The following C19orf18 variants were observed in gnomAD, a reference collection of about 807,000 sequenced individuals.
The protein encoded by C19orf18 is uncharacterized protein C19orf18.
C19orf18 carries 21 observed loss-of-function variants against 23.3 expected under a neutral mutation model. That is an observed-to-expected ratio of 0.90 (90% CI 0.64 to 1.30). C19orf18 has a LOEUF of 1.30. Among genes scored for constraint, C19orf18 ranks in the 50% most tolerant of loss-of-function variants. The pLI, the probability that C19orf18 is intolerant of heterozygous loss-of-function variation, is 0.00. For synonymous variants in C19orf18, 96 were observed against 95.2 expected, an observed-to-expected ratio of 1.01 and a Z score of -0.05; for missense variants, 249 against 259.6, an observed-to-expected ratio of 0.96 and a Z score of 0.28.
chr19:57,962,310 T>G (rs1176672865), intron 4 of C19orf18, among the ~76,000 whole-genome samples: 1 of 152,120 alleles, frequency 6.6e-6, no homozygotes, highest in African/African-American at 2.4e-5. Context: ...ACACTGGAAT[T>G]ACAGGTGTGA....
intron 3 of C19orf18, among the ~76,000 whole-genome samples, chr19:57,970,590 T>G (rs1244655206): frequency 6.6e-6 from 1 of 152,138 alleles, no homozygotes; most frequent in Non-Finnish European, 1.5e-5. Context: ...CATATAATTT[T>G]TTTTTTTTTG....
chr19:57,970,583 A>G (rs577305891), intron 3 of C19orf18, among the ~76,000 whole-genome samples: 2 of 151,978 alleles, frequency 1.3e-5, no homozygotes, highest in East Asian at 3.9e-4. Flanking sequence ...ATCTTTCCAT[A>G]TAATTTTTTT....
intron 3 of C19orf18, among the ~76,000 whole-genome samples, chr19:57,968,279 C>T (rs1364529492): frequency 1.3e-5 from 2 of 152,214 alleles, no homozygotes; most frequent in African/African-American, 4.8e-5. Context: ...GGCCCCAACT[C>T]CTAATATCCT....
chr19:57,966,683 T>C (rs754332624), intron 3 of C19orf18, 51 bp from the exon 4 acceptor site: 2 of 1,259,484 alleles, frequency 1.6e-6, no homozygotes, highest in East Asian at 2.3e-5. Flanking sequence ...ATTTTAGCTA[T>C]GTCTTTCAGT....
At chr19:57,967,535 G>A (rs928750434) in intron 3 of C19orf18, among the ~76,000 whole-genome samples, 3 of 151,678 alleles carry the variant, frequency 2.0e-5, no homozygotes, top group Non-Finnish European at 2.9e-5. Flanking sequence ...GGCAGATCAC[G>A]TGAGCTCAGG....
intron 3 of C19orf18, among the ~76,000 whole-genome samples, chr19:57,971,481 T>C (rs868806249): frequency 9.9e-5 from 15 of 152,190 alleles, no homozygotes; most frequent in South Asian, 2.1e-4. Context: ...TAAAGTTGTT[T>C]TTTTTAAAAA....
At chr19:57,972,321 G>A in intron 3 of C19orf18, 142 bp downstream of exon 3, 1 of 976,428 alleles carries the variant, frequency 1.0e-6, no homozygotes, top group South Asian at 1.8e-5. Flanking sequence ...TCCCCCTCCA[G>A]AGGGGGCACC....
At chr19:57,964,645 G>A (rs1348383517) in intron 4 of C19orf18, among the ~76,000 whole-genome samples, 1 of 152,146 alleles carries the variant, frequency 6.6e-6, no homozygotes, top group Non-Finnish European at 1.5e-5. Context: ...CGCAGGTTAC[G>A]CTCTCATTAG....
intron 3 of C19orf18, among the ~76,000 whole-genome samples, chr19:57,969,145 T>C (rs1234823088): frequency 2.0e-5 from 3 of 152,170 alleles, no homozygotes; most frequent in African/African-American, 7.2e-5. Flanking sequence ...ATGTCTCCTG[T>C]TTCCAGGAAT....
At chr19:57,964,488 C>A (rs191237714) in intron 4 of C19orf18, among the ~76,000 whole-genome samples, 292 of 152,240 alleles carry the variant, frequency 1.9e-3, no homozygotes, top group African/African-American at 6.5e-3. Context: ...CACCATGTTG[C>A]CCACGCTGGT....
intron 2 of C19orf18, among the ~76,000 whole-genome samples, chr19:57,973,051 G>A (rs985751751): frequency 3.1e-4 from 46 of 148,790 alleles, no homozygotes; most frequent in African/African-American, 1.1e-3. Flanking sequence ...AGGAGGCTGA[G>A]GCAGGAGAAT....
Position 57,974,128 on chromosome 19 carries a change from C to T in C19orf18, c.197G>A (p.Gly66Glu). Residue 66 changes from glycine (G) to glutamate (E), a missense_variant, in exon 2 of 6, where the codon GGG becomes GAG. Gly to Glu is a moderately conservative substitution (Grantham distance 98). Coordinates refer to ENST00000314391, the MANE Select transcript of C19orf18 (RefSeq NM_152474.5). Reference protein sequence around the residue: ...KVFFHKTQLPGIQGAASRSTA... With the variant: ...KVFFHKTQLPEIQGAASRSTA... ...GGATCTCGAGGCAGCCCCTTGAATC[C>T]CAGGCAACTGGGTTTTATGAAAGAA... is the stretch of plus-strand genomic sequence containing the variant. 6.2e-7 allele frequency: 1 copy of T among 1,614,074 alleles called. No homozygotes were observed. Among genetic ancestry groups the T allele is most frequent in the South Asian group, 1.1e-5 (1 of 91,056 alleles).
intron 2 of C19orf18, 108 bp downstream of exon 2, chr19:57,973,990 AT>A: frequency 1.9e-6 from 2 of 1,068,146 alleles, no homozygotes; most frequent in Non-Finnish European, 2.8e-6. Context: ...ATTATACTCT[AT>A]TTTATGGACC....
Position 57,958,446 on chromosome 19 carries a change from C to T in C19orf18, c.*156G>A. On this transcript the variant is annotated 3_prime_UTR_variant, in exon 6 of 6. Transcript: ENST00000314391. ...AGCCAATAAGCAAGAGTTGCTATAT[C>T]ATGTGGCTTTATTTTCTGGGATACA... 1 of 556,812 alleles carries T rather than the reference C, an allele frequency of 1.8e-6. No individual in the cohort carries two copies. The highest frequency in any genetic ancestry group is 3.1e-6 in the Non-Finnish European group (1 of 317,668). The allele number at this position is 556,812 out of a possible 1,614,324, so 34.5% of individuals were successfully genotyped here. A position where few individuals can be genotyped will look rare whatever the true frequency, so the allele number is the denominator to read the frequency against.
chr19:57,961,051 T>C (rs945476039), intron 5 of C19orf18, among the ~76,000 whole-genome samples: 10 of 151,712 alleles, frequency 6.6e-5, no homozygotes, highest in African/African-American at 1.7e-4. Context: ...CTGGCTAAAA[T>C]GGTGAAACCC....
At chr19:57,964,757 A>G (rs564502784) in intron 4 of C19orf18, among the ~76,000 whole-genome samples, 1 of 152,292 alleles carries the variant, frequency 6.6e-6, no homozygotes, top group African/African-American at 2.4e-5. Flanking sequence ...ACATGGCAAT[A>G]TATCTTGTTT....
At chr19:57,969,569 A>AG (rs2072930592) in intron 3 of C19orf18, among the ~76,000 whole-genome samples, 2 of 73,734 alleles carry the variant, frequency 2.7e-5, no homozygotes, top group African/African-American at 1.1e-4. Context: ...AAAAACAGAA[A>AG]AAAAAAAAAA....
chr19:57,960,987 GGCACCCGAGCGTTGGT>G, intron 5 of C19orf18, among the ~76,000 whole-genome samples: 2 of 152,134 alleles, frequency 1.3e-5, no homozygotes, highest in Non-Finnish European at 2.9e-5. Context: ...AGACCATCCT[GGCACCCGAGCGTTGGT>G]GGTATAGTGG....
chr19:57,969,250 C>T (rs1239223115), intron 3 of C19orf18, among the ~76,000 whole-genome samples: 2 of 152,126 alleles, frequency 1.3e-5, no homozygotes, highest in Non-Finnish European at 2.9e-5. Flanking sequence ...TATATTTCAA[C>T]ACTCTAGGTT....
Sources: gnomAD v4.1 joint callset for allele counts (sites outside exome capture counted in the v4.1 genomes callset) on GRCh38, gnomAD v4.1.1 for gene constraint, MANE v1.5 for transcripts, NCBI Gene and HGNC (gene_info 2026-07-23, HGNC 2026-07-21) for gene names.